The following ADH4 variants were observed in gnomAD, a reference collection of about 807,000 sequenced individuals.
The protein encoded by ADH4 is alcohol dehydrogenase 4 (class II), pi polypeptide.
A neutral mutation model predicts 35.2 loss-of-function variants in ADH4; 31 were observed. The ratio of observed to expected loss-of-function variants is 0.88; its 90% CI spans 0.66 to 1.19. The LOEUF (loss-of-function observed/expected upper bound fraction) is 1.19, where lower values mean the gene tolerates loss of function less well. Ranked by LOEUF, ADH4 falls within the 50% of genes most tolerant of loss-of-function variation. ADH4 has a pLI of 0.00. For synonymous variants in ADH4, 171 were observed against 160.2 expected, an observed-to-expected ratio of 1.07 and a Z score of -0.51; for missense variants, 476 against 458.3, an observed-to-expected ratio of 1.04 and a Z score of -0.35.
chr4:99,136,458 C>A lies in ADH4; in HGVS notation c.582+8G>T. 4.3e-6 allele frequency: 7 copies of A among 1,611,394 alleles called. No individual in the cohort carries two copies. The highest frequency in any genetic ancestry group is 1.3e-5 in the African/African-American group (1 of 75,004). Reference sequence around the variant, plus strand: ...CTGTTTTACACAAACTGGTGTTTAACCATTTACCTTGGCATTGTTGATTGC... The same window carrying A: ...CTGTTTTACACAAACTGGTGTTTAAACATTTACCTTGGCATTGTTGATTGC... On this transcript the variant is annotated splice_region_variant and intron_variant, in intron 5 of 8. Coordinates refer to ENST00000265512, the MANE Select transcript of ADH4 (RefSeq NM_000670.5).
At chr4:99,134,425 T>G (rs1729375592) in intron 5 of ADH4, among the ~76,000 whole-genome samples, 1 of 152,080 alleles carries the variant, frequency 6.6e-6, no homozygotes. Flanking sequence ...AATGTATAAA[T>G]TTTTTTCAAT....
At chr4:99,132,601 T>C (rs1326867952) in intron 5 of ADH4, among the ~76,000 whole-genome samples, 1 of 152,188 alleles carries the variant, frequency 6.6e-6, no homozygotes, top group Non-Finnish European at 1.5e-5. Flanking sequence ...GAAAGAGTCT[T>C]CTGTATATTG....
intron 6 of ADH4, among the ~76,000 whole-genome samples, chr4:99,128,552 A>G (rs1729169028): frequency 6.6e-6 from 1 of 152,240 alleles, no homozygotes; most frequent in South Asian, 2.1e-4. Context: ...AATGAAATAA[A>G]TGCTTATAAG....
intron 7 of ADH4, 24 bp downstream of exon 7, chr4:99,127,185 G>C (rs1430615332): frequency 6.4e-7 from 1 of 1,571,676 alleles, no homozygotes; most frequent in Non-Finnish European, 8.6e-7. Flanking sequence ...AGAATTTAAA[G>C]CTATGAAGAA....
intron 2 of ADH4, 135 bp downstream of exon 2, chr4:99,142,544 T>C (rs1729658900): frequency 2.3e-6 from 1 of 435,882 alleles, no homozygotes; most frequent in South Asian, 1.2e-4. Context: ...TGTTTTTGAC[T>C]GAATCTAAAA....
chr4:99,124,905 CA>C (rs10711227), intron 8 of ADH4, among the ~76,000 whole-genome samples: 113,681 of 151,954 alleles, frequency 0.75, 43,085 homozygotes, highest in East Asian at 1. Flanking sequence ...TGGGTAACTC[CA>C]ACATGTAGAC....
chr4:99,137,453 G>T (rs986199827), intron 4 of ADH4, among the ~76,000 whole-genome samples: 1 of 152,004 alleles, frequency 6.6e-6, no homozygotes, highest in African/African-American at 2.4e-5. Flanking sequence ...GTAGAGACGG[G>T]GTTTCTCCGT....
intron 3 of ADH4, among the ~76,000 whole-genome samples, chr4:99,140,250 T>G (rs1040215500): frequency 2.0e-5 from 3 of 152,214 alleles, no homozygotes; most frequent in Admixed American, 6.5e-5. Flanking sequence ...CTTTTTTATA[T>G]AGAAGTTATT....
intron 5 of ADH4, 99 bp from the exon 6 acceptor site, chr4:99,131,863 A>G: frequency 7.6e-7 from 1 of 1,310,502 alleles, no homozygotes; most frequent in Non-Finnish European, 1.0e-6. Context: ...CATATGAATT[A>G]AAGACAGCCT....
intron 4 of ADH4, among the ~76,000 whole-genome samples, chr4:99,137,546 C>G (rs13133633): frequency 0.21 from 31,998 of 152,120 alleles, 4,044 homozygotes; most frequent in Non-Finnish European, 0.28. Context: ...ACAGGCATGA[C>G]CCACCGCACC....
intron 7 of ADH4, 141 bp downstream of exon 7, chr4:99,127,067 AG>A: frequency 2.0e-6 from 1 of 488,262 alleles, no homozygotes; most frequent in Non-Finnish European, 3.3e-6. Context: ...AGTCATTAAT[AG>A]TTTTTATGTA....
Position 99,136,552 on chromosome 4 carries a change from T to C in ADH4, c.496A>G (p.Ile166Val). ...CTCTCTAAATTTGCATCATCATCTATTTTGGCAAGATTGATATCTGACACC... is the reference window on the plus strand; with the variant it reads ...CTCTCTAAATTTGCATCATCATCTACTTTGGCAAGATTGATATCTGACACC... ...TVVSDINLAK[I>V]DDDANLERVC... is the part of the protein sequence containing the mutation. The change falls in exon 5 of 9, where the codon ATA becomes GTA. Residue 166 changes from isoleucine to valine, a missense_variant. By Grantham distance (29) the Ile-to-Val change is conservative. Transcript: ENST00000265512. 6.2e-7 allele frequency: 1 copy of C among 1,614,166 alleles called. No homozygotes were observed. The highest frequency in any genetic ancestry group is 8.5e-7 in the Non-Finnish European group (1 of 1,180,024).
intron 5 of ADH4, among the ~76,000 whole-genome samples, chr4:99,135,527 G>A (rs953913947): frequency 1.5e-4 from 23 of 152,260 alleles, no homozygotes; most frequent in African/African-American, 5.1e-4. Flanking sequence ...AGTGGAGTCA[G>A]CCTGAAGGAG....
At chr4:99,142,645 T>C (rs1729662356) in intron 2 of ADH4, 34 bp downstream of exon 2, 1 of 1,436,922 alleles carries the variant, frequency 7.0e-7, no homozygotes, top group Non-Finnish European at 9.3e-7. Context: ...CTTGGGGCCC[T>C]GTCTGTTCCC....
At chr4:99,132,438 T>C (rs1011117741) in intron 5 of ADH4, among the ~76,000 whole-genome samples, 2 of 152,232 alleles carry the variant, frequency 1.3e-5, no homozygotes, top group Non-Finnish European at 2.9e-5. Flanking sequence ...ATGAAACTTT[T>C]CTTGATTTTT....
At chr4:99,142,930 A>G (rs1160134653) in intron 1 of ADH4, 150 bp from the exon 2 acceptor site, 3 of 614,060 alleles carry the variant, frequency 4.9e-6, no homozygotes, top group African/African-American at 3.7e-5. Context: ...GCTGGATCTT[A>G]TAGATATTAT....
chr4:99,125,194 C>G (rs1332358805), intron 8 of ADH4, among the ~76,000 whole-genome samples: 2 of 152,194 alleles, frequency 1.3e-5, no homozygotes, highest in African/African-American at 4.8e-5. Context: ...GGCCTGCCCT[C>G]TCTTGTGCTT....
At position 99,141,567 on chromosome 4, in the gene ADH4, C is replaced by G; in HGVS notation, c.236G>C (p.Gly79Ala). The G allele has an allele frequency of 6.2e-7, 1 of 1,613,982 alleles. No homozygotes were observed. The highest frequency in any genetic ancestry group is 8.5e-7 in the Non-Finnish European group (1 of 1,179,962). Residue 79 changes from glycine to alanine, a missense_variant, in exon 3 of 9, where the codon GGG (glycine) becomes GCG (alanine). Physicochemically the swap from Gly to Ala is moderately conservative, Grantham distance 60 (BLOSUM62 0). Transcript: ENST00000265512. ...HEAAGIVESI[G>A]PGVTNVKPGD... is the part of the protein sequence containing the mutation. ...TGGTTTGACGTTGGTCACTCCTGGC[C>G]CAATACTTTCCACAATACCTGCAGC...
chr4:99,132,203 A>G (rs538866963), intron 5 of ADH4, among the ~76,000 whole-genome samples: 1 of 152,304 alleles, frequency 6.6e-6, no homozygotes, highest in South Asian at 2.1e-4. Flanking sequence ...AATGAAGTCC[A>G]ATTTGTTTTG....
Sources: allele counts gnomAD v4.1 joint callset (sites outside exome capture counted in the v4.1 genomes callset), GRCh38; gene constraint gnomAD v4.1.1; transcripts MANE v1.5; gene names NCBI Gene and HGNC (gene_info 2026-07-23, HGNC 2026-07-21).